The following ANKRD36 variants were observed in gnomAD, a reference collection of about 807,000 sequenced individuals.
ANKRD36 encodes ankyrin repeat domain-containing protein 36A.
In ANKRD36, 179 loss-of-function variants were observed where a neutral mutation model predicts 278.1. The ratio of observed to expected loss-of-function variants is 0.64; its 90% CI spans 0.57 to 0.73. ANKRD36 has a LOEUF of 0.73. ANKRD36 is among the 30% of genes least tolerant of loss of function. The probability of loss-of-function intolerance (pLI) is 0.00; values close to 1 mark genes in which losing one functional copy is unlikely to be tolerated. For synonymous variants in ANKRD36, 320 were observed against 641.1 expected, an observed-to-expected ratio of 0.50 and a Z score of 7.57; for missense variants, 1,159 against 1,956.7, an observed-to-expected ratio of 0.59 and a Z score of 7.69.
At position 97,193,064 on chromosome 2, in the gene ANKRD36, A is replaced by G. The variant is rs1411236917; in HGVS notation, c.2449+11A>G. 1 of 1,535,694 alleles carries G rather than the reference A, an allele frequency of 6.5e-7. No homozygotes were observed. Among genetic ancestry groups the G allele is most frequent in the Non-Finnish European group, 8.8e-7 (1 of 1,137,274 alleles). On this transcript the variant is annotated intron_variant, in intron 38 of 75. Transcript: ENST00000420699. ...AAAAATCTAGGACAGGTAATTTTGA[A>G]AAGAGATTTAATGTCATGTTCAGTG...
chr2:97,242,913 C>G (rs1186714464), intron 69 of ANKRD36, among the ~76,000 whole-genome samples: 4 of 117,104 alleles, frequency 3.4e-5, no homozygotes, highest in African/African-American at 1.1e-4. Flanking sequence ...GTTCTTTTAT[C>G]AATACATTTC....
chr2:97,117,430 A>G (rs1559194127), intron 1 of ANKRD36, among the ~76,000 whole-genome samples: 1 of 152,092 alleles, frequency 6.6e-6, no homozygotes, highest in Non-Finnish European at 1.5e-5. Context: ...ATTACTTTAT[A>G]TATCAATAAG....
At chr2:97,190,706 C>T (rs1558621330) in intron 34 of ANKRD36, among the ~76,000 whole-genome samples, 1 of 151,594 alleles carries the variant, frequency 6.6e-6, no homozygotes, top group African/African-American at 2.4e-5. Context: ...CTCGGCATAT[C>T]CACATTGATA....
intron 64 of ANKRD36, among the ~76,000 whole-genome samples, chr2:97,218,647 T>C (rs2066576062): frequency 3.3e-5 from 5 of 152,088 alleles, no homozygotes. Flanking sequence ...GTTTATGTTA[T>C]ACTGGTATAA....
At chr2:97,188,602 C>T (rs1278211836) in intron 32 of ANKRD36, among the ~76,000 whole-genome samples, 3 of 89,808 alleles carry the variant, frequency 3.3e-5, no homozygotes, top group Admixed American at 2.0e-4. Flanking sequence ...GTGAAGTATA[C>T]GTTCAACTGA....
intron 66 of ANKRD36, among the ~76,000 whole-genome samples, chr2:97,220,717 C>A (rs1464445338): frequency 1.6e-5 from 1 of 63,148 alleles, no homozygotes; most frequent in Non-Finnish European, 3.3e-5. Flanking sequence ...TTTTATAATA[C>A]TGATTTTCTT....
At chr2:97,177,592 T>A (rs1273845888) in intron 22 of ANKRD36, among the ~76,000 whole-genome samples, 3 of 151,912 alleles carry the variant, frequency 2.0e-5, no homozygotes, top group Non-Finnish European at 4.4e-5. Flanking sequence ...ATTCCCTATT[T>A]AAAAATGGTG....
chr2:97,190,872 C>G (rs1325116276), intron 34 of ANKRD36, 106 bp from the exon 35 acceptor site: 15 of 1,497,658 alleles, frequency 1.0e-5, no homozygotes, highest in Non-Finnish European at 1.4e-5. Flanking sequence ...AGAGCCTACA[C>G]TAGTACAGGC....
Position 97,202,401 on chromosome 2 carries a change from T to A in ANKRD36, c.2959+8T>A. On this transcript the variant is annotated splice_region_variant and intron_variant, in intron 48 of 75. Coordinates refer to ENST00000420699, the MANE Select transcript of ANKRD36 (RefSeq NM_001354587.1). The stretch of plus-strand genomic sequence containing the variant: ...GAGAAAAATCTAGGACAGGTAATTT[T>A]GAAAACAGATTTAATGTCATGTTCA... 1 of 1,547,022 alleles carries A rather than the reference T, an allele frequency of 6.5e-7. No homozygotes were observed.
chr2:97,124,100 G>C (rs1179692916), intron 4 of ANKRD36, among the ~76,000 whole-genome samples: 6 of 151,260 alleles, frequency 4.0e-5, no homozygotes, highest in Non-Finnish European at 7.4e-5. Flanking sequence ...TGACCCTTCA[G>C]CTGATTTTGC....
chr2:97,133,960 T>C (rs570473241), intron 6 of ANKRD36, among the ~76,000 whole-genome samples: 1 of 152,246 alleles, frequency 6.6e-6, no homozygotes, highest in Admixed American at 6.5e-5. Context: ...TATATTTAAG[T>C]TCCCTCTTGG....
intron 46 of ANKRD36, among the ~76,000 whole-genome samples, chr2:97,200,771 A>G (rs1022987969): frequency 2.0e-5 from 3 of 151,888 alleles, no homozygotes; most frequent in African/African-American, 7.2e-5. Flanking sequence ...TTGAAGACAT[A>G]AGGGGCTCTG....
intron 5 of ANKRD36, among the ~76,000 whole-genome samples, chr2:97,125,472 A>T (rs2038325394): frequency 6.7e-6 from 1 of 148,420 alleles, no homozygotes; most frequent in African/African-American, 2.5e-5. Flanking sequence ...TTATTTTTTG[A>T]GTCCCTTTTT....
intron 6 of ANKRD36, among the ~76,000 whole-genome samples, chr2:97,135,331 A>T (rs556958152): frequency 6.6e-5 from 10 of 151,864 alleles, no homozygotes; most frequent in African/African-American, 1.4e-4. Context: ...AATAATTTTT[A>T]AAAATACATA....
chr2:97,192,617 G>A (rs2058765063), intron 36 of ANKRD36, among the ~76,000 whole-genome samples: 1 of 151,682 alleles, frequency 6.6e-6, no homozygotes, highest in South Asian at 2.1e-4. Flanking sequence ...TTTGATTTTA[G>A]TTTTTGACAT....
intron 52 of ANKRD36, among the ~76,000 whole-genome samples, chr2:97,206,941 C>G (rs934177585): frequency 3.6e-4 from 54 of 151,600 alleles, no homozygotes; most frequent in African/African-American, 1.0e-3. Flanking sequence ...TAGGGAACAA[C>G]ATGATACTCC....
In ANKRD36 at chr2:97,144,555, C is replaced by T. The variant is rs754424868; in HGVS notation, c.930+9C>T. The T allele has an allele frequency of 3.1e-6, 5 of 1,590,300 alleles. No individual in the cohort carries two copies. The highest frequency in any genetic ancestry group is 4.3e-6 in the Non-Finnish European group (5 of 1,175,270). On this transcript the variant is annotated intron_variant, in intron 9 of 75. Coordinates refer to ENST00000420699, the MANE Select transcript of ANKRD36 (RefSeq NM_001354587.1). ...AACAACCGGCCTTGAAGGTATTATACTCTCATTCATATTTTGAATAATTAA... is the reference window on the plus strand; with the variant it reads ...AACAACCGGCCTTGAAGGTATTATATTCTCATTCATATTTTGAATAATTAA...
At chr2:97,202,140 A>C (rs1434284208) in intron 46 of ANKRD36, 62 bp from the exon 47 acceptor site, 1 of 1,601,960 alleles carries the variant, frequency 6.2e-7, no homozygotes. Context: ...ACAGTGCTCG[A>C]ATGTATGGAA....
At chr2:97,206,677 A>G (rs2062944378) in intron 52 of ANKRD36, among the ~76,000 whole-genome samples, 1 of 151,490 alleles carries the variant, frequency 6.6e-6, no homozygotes, top group African/African-American at 2.4e-5. Flanking sequence ...AACTCACTTC[A>G]GATGCATTTG....
Sources: gnomAD v4.1 joint callset for allele counts (sites outside exome capture counted in the v4.1 genomes callset) on GRCh38, gnomAD v4.1.1 for gene constraint, MANE v1.5 for transcripts, NCBI Gene and HGNC (gene_info 2026-07-23, HGNC 2026-07-21) for gene names.